Variants in SGK3 observed in about 807,000 individuals in gnomAD.
SGK3 encodes the protein serum/glucocorticoid regulated kinase family member 3.
SGK3 carries 47 observed loss-of-function variants against 68.5 expected under a neutral mutation model. The observed-to-expected ratio is 0.69, with a 90% CI of 0.54 to 0.87. The LOEUF (loss-of-function observed/expected upper bound fraction) is 0.87, where lower values mean the gene tolerates loss of function less well. Ranked by LOEUF, SGK3 falls within the 40% of genes least tolerant of loss-of-function variation. SGK3 has a pLI of 0.00. For missense variants in SGK3, 479 were observed against 575.5 expected (o/e 0.83, Z 1.72); for synonymous variants, 181 against 189.1 (o/e 0.96, Z 0.35).
Position 66,840,067 on chromosome 8 carries a change from A to C in SGK3, c.806A>C (p.Glu269Ala). 6.2e-7 allele frequency: 1 copy of C among 1,614,126 alleles called. No individual in the cohort carries two copies. Among genetic ancestry groups the C allele is most frequent in the South Asian group, 1.1e-5 (1 of 91,080 alleles). ...CACAGAGCTAGGTTTTACGCTGCTG[A>C]AATTGCTAGTGCATTGGGTTACTTA... is the stretch of plus-strand genomic sequence containing the variant. ...PEHRARFYAA[E>A]IASALGYLHS... Residue 269 changes from glutamate (E) to alanine (A), a missense_variant, in exon 11 of 17, where the codon GAA (glutamate) becomes GCA (alanine). This residue lies in a region of SGK3 where 298 missense variants were observed against 329.4 expected (regional missense o/e 0.90). Transcript: ENST00000521198.
At chr8:66,726,802 A>G (rs1023557320) in intron 1 of SGK3, among the ~76,000 whole-genome samples, 43 of 111,232 alleles carry the variant, frequency 3.9e-4, no homozygotes, top group Admixed American at 5.3e-4. Context: ...CCCTGTCTGT[A>G]AAAAAAAAAA....
rs1005128376 is a variant in SGK3 at position 66,824,282 on chromosome 8, G to A, written c.417+1823G>A. 4.6e-5 allele frequency among the ~76,000 whole-genome samples: 7 copies of A among 152,164 alleles called. No individual in the cohort carries two copies. In the East Asian group the frequency reaches 9.6e-4, roughly 21 times the overall value. On this transcript the variant is annotated intron_variant, in intron 6 of 16. Transcript: ENST00000521198. The stretch of plus-strand genomic sequence containing the variant: ...CAAATAAGGCATAAGAAGAAATAAC[G>A]TCTGTGTGAAAAGCCCATACAAATG...
chr8:66,828,119 G>A lies in SGK3; in HGVS notation c.418-535G>A, dbSNP rs1324973481. ...AGCCTGGGCGACAGAGGGAGACTCC[G>A]TCTCAGAAAAAAAAAAAAGAAAGAA... is the stretch of plus-strand genomic sequence containing the variant. On this transcript the variant is annotated intron_variant, in intron 6 of 16. Transcript: ENST00000521198. 5.3e-5 allele frequency among the ~76,000 whole-genome samples: 8 copies of A among 150,236 alleles called. 1 individual carries two copies. Among genetic ancestry groups the A allele is most frequent in the South Asian group, 4.2e-4 (2 of 4,772 alleles).
rs1198372991 is a variant in SGK3 at position 66,715,265 on chromosome 8, G to GT, written c.-122+2442dup. ...GCTTGCTTTCTTTCTTTCTTTCTTT[G>GT]TTTTTTTTTTGAGACAGAGTCTTGC... On this transcript the variant is annotated intron_variant, in intron 1 of 16. Transcript: ENST00000521198. Among the ~76,000 whole-genome samples, 215 of 111,640 alleles carry GT rather than the reference G, an allele frequency of 1.9e-3. 2 individuals are homozygous for GT. Among genetic ancestry groups the GT allele is most frequent in the South Asian group, 0.013 (52 of 4,034 alleles). The allele number at this position is 111,640 out of a possible 152,430, so 73.2% of individuals were successfully genotyped here. A position where few individuals can be genotyped will look rare whatever the true frequency, so the allele number is the denominator to read the frequency against.
chr8:66,723,763 T>C (rs1226965111), intron 1 of SGK3, among the ~76,000 whole-genome samples: 1 of 152,186 alleles, frequency 6.6e-6, no homozygotes, highest in Non-Finnish European at 1.5e-5. Flanking sequence ...TTGTTAAAAA[T>C]AGCTCTCATG....
chr8:66,783,145 C>T (rs547875793), intron 1 of SGK3, among the ~76,000 whole-genome samples: 2 of 152,314 alleles, frequency 1.3e-5, no homozygotes, highest in South Asian at 2.1e-4. Flanking sequence ...TTGGTGTTGT[C>T]AGTGTTCTGG....
chr8:66,730,670 C>T (rs965818372), intron 1 of SGK3, among the ~76,000 whole-genome samples: 2 of 151,280 alleles, frequency 1.3e-5, no homozygotes, highest in African/African-American at 4.9e-5. Flanking sequence ...TGTGTATATC[C>T]AGTTGTCTCA....
chr8:66,786,181 AT>A (rs202025701), intron 1 of SGK3, among the ~76,000 whole-genome samples: 3,925 of 152,182 alleles, frequency 0.026, 184 homozygotes, highest in African/African-American at 0.089. Flanking sequence ...TTGCTTTTTC[AT>A]TTTACTTTTA....
At chr8:66,831,146 T>C in intron 7 of SGK3, 108 bp from the exon 8 acceptor site, 7 of 1,294,438 alleles carry the variant, frequency 5.4e-6, no homozygotes, top group South Asian at 5.1e-5. Flanking sequence ...TAGGCTGAAG[T>C]GTTTTGTGCC....
intron 1 of SGK3, among the ~76,000 whole-genome samples, chr8:66,739,623 T>C (rs938875305): frequency 1.3e-5 from 2 of 152,190 alleles, no homozygotes; most frequent in Non-Finnish European, 2.9e-5. Flanking sequence ...CTTAAACTTC[T>C]GACCTCAGGT....
intron 1 of SGK3, among the ~76,000 whole-genome samples, chr8:66,774,889 T>G (rs897568152): frequency 3.8e-5 from 3 of 78,966 alleles, no homozygotes; most frequent in Non-Finnish European, 8.4e-5. Flanking sequence ...TGAGCGCGGT[T>G]GTTTTGAGAT....
At chr8:66,796,834 G>A (rs970906615) in intron 2 of SGK3, among the ~76,000 whole-genome samples, 1 of 151,878 alleles carries the variant, frequency 6.6e-6, no homozygotes, top group Non-Finnish European at 1.5e-5. Flanking sequence ...CATTATACAG[G>A]GACAAGACAG....
intron 2 of SGK3, among the ~76,000 whole-genome samples, chr8:66,795,375 A>C (rs1391042814): frequency 6.6e-6 from 1 of 152,230 alleles, no homozygotes; most frequent in Non-Finnish European, 1.5e-5. Flanking sequence ...CTTCAACAGT[A>C]GGCATTTGTT....
intron 1 of SGK3, among the ~76,000 whole-genome samples, chr8:66,770,130 A>G (rs1806460809): frequency 6.6e-6 from 1 of 151,136 alleles, no homozygotes; most frequent in African/African-American, 2.4e-5. Flanking sequence ...ATTTTTTTGT[A>G]TTTTTAGTAG....
chr8:66,778,600 A>G (rs1386964567), intron 1 of SGK3, among the ~76,000 whole-genome samples: 1 of 152,250 alleles, frequency 6.6e-6, no homozygotes, highest in Non-Finnish European at 1.5e-5. Context: ...CAGCCACTTA[A>G]CTGTTTTTTA....
intron 4 of SGK3, among the ~76,000 whole-genome samples, chr8:66,805,877 T>G (rs1808138184): frequency 1.3e-5 from 2 of 152,174 alleles, no homozygotes; most frequent in African/African-American, 4.8e-5. Context: ...CTACTCAAGA[T>G]AAAAGCTCTA....
At chr8:66,839,909 C>G (rs1158802204) in intron 10 of SGK3, 94 bp from the exon 11 acceptor site, 1 of 1,188,406 alleles carries the variant, frequency 8.4e-7, no homozygotes. Flanking sequence ...AAGAACAATT[C>G]CTACCTTTGT....
intron 1 of SGK3, among the ~76,000 whole-genome samples, chr8:66,731,098 C>T (rs887522489): frequency 1.1e-4 from 16 of 151,956 alleles, no homozygotes; most frequent in African/African-American, 3.1e-4. Context: ...CTTTGTTATC[C>T]GCTTTCTAAT....
At chr8:66,831,763 A>G (rs1244388981) in intron 8 of SGK3, among the ~76,000 whole-genome samples, 2 of 152,218 alleles carry the variant, frequency 1.3e-5, no homozygotes, top group African/African-American at 4.8e-5. Flanking sequence ...CCCTCAAAAT[A>G]CTAACAATAA....
Sources: allele counts gnomAD v4.1 joint callset (sites outside exome capture counted in the v4.1 genomes callset), GRCh38; gene constraint gnomAD v4.1.1; regional missense constraint gnomAD v4.1.1; transcripts MANE v1.5; gene names NCBI Gene and HGNC (gene_info 2026-07-23, HGNC 2026-07-21).